Variants in ADAMTS3 observed in about 807,000 individuals in gnomAD.
The protein encoded by ADAMTS3 is ADAM metallopeptidase with thrombospondin type 1 motif 3, also known as A disintegrin and metalloproteinase with thrombospondin motifs 3.
Under a neutral mutation model 129.0 loss-of-function variants are expected in ADAMTS3, and 73 were observed. The observed-to-expected ratio is 0.57, with a 90% confidence interval of 0.47 to 0.69. ADAMTS3 has a LOEUF of 0.69. Ranked by LOEUF, ADAMTS3 falls within the 30% of genes least tolerant of loss-of-function variation. ADAMTS3 has a pLI of 0.00. For missense variants in ADAMTS3, 1,457 were observed against 1,514.5 expected, an observed-to-expected ratio of 0.96 and a Z score of 0.63; for synonymous variants, 477 against 510.8, an observed-to-expected ratio of 0.93 and a Z score of 0.89.
At chr4:72,396,149 AAGG>A (rs1371926009) in intron 4 of ADAMTS3, among the ~76,000 whole-genome samples, 8 of 152,238 alleles carry the variant, frequency 5.3e-5, no homozygotes, top group African/African-American at 1.9e-4. Context: ...AAGGATAAAG[AAGG>A]AGTAGTCCAG....
intron 7 of ADAMTS3, among the ~76,000 whole-genome samples, chr4:72,320,405 C>T (rs1380075463): frequency 6.6e-6 from 1 of 152,194 alleles, no homozygotes; most frequent in Non-Finnish European, 1.5e-5. Context: ...AGTCATTTCT[C>T]ATGGCATCTC....
At chr4:72,385,283 G>A (rs1200710551) in intron 4 of ADAMTS3, among the ~76,000 whole-genome samples, 1 of 151,826 alleles carries the variant, frequency 6.6e-6, no homozygotes, top group Non-Finnish European at 1.5e-5. Context: ...AAGGACACCT[G>A]AAAATTCAAG....
intron 3 of ADAMTS3, among the ~76,000 whole-genome samples, chr4:72,542,563 T>C (rs1721361912): frequency 6.6e-6 from 1 of 152,266 alleles, no homozygotes. Flanking sequence ...TATACCATTC[T>C]GGACCAGAAT....
intron 19 of ADAMTS3, among the ~76,000 whole-genome samples, chr4:72,291,436 T>C (rs1195637735): frequency 7.6e-6 from 1 of 130,940 alleles, no homozygotes; most frequent in Non-Finnish European, 1.6e-5. Context: ...GAGTGTGATG[T>C]TCCCCTTCCT....
intron 4 of ADAMTS3, among the ~76,000 whole-genome samples, chr4:72,379,733 C>T (rs758034973): frequency 6.6e-6 from 1 of 152,070 alleles, no homozygotes; most frequent in African/African-American, 2.4e-5. Context: ...CTTCAGTCTC[C>T]ATGCTTAGAA....
chr4:72,469,787 C>T (rs1317241735), intron 3 of ADAMTS3, among the ~76,000 whole-genome samples: 2 of 152,162 alleles, frequency 1.3e-5, no homozygotes, highest in Non-Finnish European at 2.9e-5. Flanking sequence ...TCCACTCCCA[C>T]TTAATGAATA....
intron 4 of ADAMTS3, among the ~76,000 whole-genome samples, chr4:72,387,171 T>C (rs1005922590): frequency 1.3e-5 from 2 of 152,232 alleles, no homozygotes; most frequent in Non-Finnish European, 2.9e-5. Context: ...ACTAAATCTG[T>C]TAGCTGATGT....
Position 72,319,334 on chromosome 4 carries a change from GAT to G in ADAMTS3, c.1348_1349del (p.Ile450ProfsTer4). ...ATGACATGCAGCAGGGGACATACTG[GAT>G]ATATCTTTTCAGTTCTTGACCACTG... ...RCSGQELKRY[I>X]HSYDCLLDDP... On this transcript the variant is annotated frameshift_variant, in exon 9 of 22. Transcript: ENST00000286657. LOFTEE classifies it high-confidence loss of function. 1.2e-6 allele frequency: 2 copies of G among 1,613,878 alleles called. No homozygotes were observed. The highest frequency in any genetic ancestry group is 1.7e-6 in the Non-Finnish European group (2 of 1,179,896).
At chr4:72,302,362 GA>G (rs1385930218) in intron 17 of ADAMTS3, among the ~76,000 whole-genome samples, 1 of 150,600 alleles carries the variant, frequency 6.6e-6, no homozygotes, top group Non-Finnish European at 1.5e-5. Flanking sequence ...CATCGGATAC[GA>G]AAAATTTACT....
intron 3 of ADAMTS3, among the ~76,000 whole-genome samples, chr4:72,496,406 A>T (rs1252632501): frequency 1.3e-5 from 2 of 152,122 alleles, no homozygotes; most frequent in Admixed American, 1.3e-4. Flanking sequence ...TGGCATTCAG[A>T]TCTCACCTTT....
At chr4:72,558,552 C>A (rs1390965133) in intron 2 of ADAMTS3, among the ~76,000 whole-genome samples, 1 of 151,704 alleles carries the variant, frequency 6.6e-6, no homozygotes, top group Non-Finnish European at 1.5e-5. Flanking sequence ...CAAACTTAAT[C>A]CCCCTTTGGC....
At chr4:72,376,551 G>T (rs750479148) in intron 4 of ADAMTS3, among the ~76,000 whole-genome samples, 38 of 152,260 alleles carry the variant, frequency 2.5e-4, no homozygotes, top group Middle Eastern at 3.4e-3. Flanking sequence ...GAATGCATTT[G>T]AAGCACCTGG....
chr4:72,530,142 T>TATATG (rs1560553685), intron 3 of ADAMTS3, among the ~76,000 whole-genome samples: 1 of 69,782 alleles, frequency 1.4e-5, no homozygotes, highest in South Asian at 5.0e-4. Context: ...TAATATATAT[T>TATATG]ATATATTAAA....
intron 3 of ADAMTS3, among the ~76,000 whole-genome samples, chr4:72,509,898 T>G (rs918223920): frequency 2.0e-5 from 3 of 151,598 alleles, no homozygotes; most frequent in Non-Finnish European, 4.4e-5. Context: ...AACAATACAT[T>G]AGAAAGGTCA....
At chr4:72,550,221 G>A (rs1484324858) in intron 2 of ADAMTS3, among the ~76,000 whole-genome samples, 1 of 151,728 alleles carries the variant, frequency 6.6e-6, no homozygotes, top group African/African-American at 2.4e-5. Context: ...CTAAAAAATG[G>A]TATGATTCAC....
intron 3 of ADAMTS3, among the ~76,000 whole-genome samples, chr4:72,419,478 AG>A (rs1195752638): frequency 6.6e-6 from 1 of 152,200 alleles, no homozygotes; most frequent in African/African-American, 2.4e-5. Flanking sequence ...ATTAGAGGTG[AG>A]GCCGTTCAGG....
chr4:72,552,422 G>A lies in ADAMTS3; in HGVS notation c.98-3538C>T, dbSNP rs563572545. ...ATGTTGTGGTTCAACTTTAAAGTTA[G>A]AAACTATAAAACTGTTAGCTGAGGT... On this transcript the variant is annotated intron_variant, in intron 2 of 21. Coordinates refer to ENST00000286657, the MANE Select transcript of ADAMTS3 (RefSeq NM_014243.3). 3.3e-5 allele frequency among the ~76,000 whole-genome samples: 5 copies of A among 152,272 alleles called. No individual in the cohort carries two copies. The East Asian group carries it at 9.6e-4, about 29-fold the overall frequency.
At chr4:72,417,622 A>T (rs1722337180) in intron 3 of ADAMTS3, among the ~76,000 whole-genome samples, 1 of 152,102 alleles carries the variant, frequency 6.6e-6, no homozygotes, top group African/African-American at 2.4e-5. Flanking sequence ...ATTTAAGTAA[A>T]GTTTAATGAA....
At chr4:72,495,235 T>G (rs788925) in intron 3 of ADAMTS3, among the ~76,000 whole-genome samples, 147,771 of 152,238 alleles carry the variant, frequency 0.97, 71,853 homozygotes, top group Non-Finnish European at 1. Flanking sequence ...AGTGACACCG[T>G]TATCTAAGGT....
Sources: gnomAD v4.1 joint callset for allele counts (sites outside exome capture counted in the v4.1 genomes callset) on GRCh38, gnomAD v4.1.1 for gene constraint, MANE v1.5 for transcripts, NCBI Gene and HGNC (gene_info 2026-07-23, HGNC 2026-07-21) for gene names.